Variants in NPAS3 observed in about 807,000 individuals in gnomAD.
The protein encoded by NPAS3 is neuronal PAS domain-containing protein 3.
In NPAS3, 14 loss-of-function variants were observed where a neutral mutation model predicts 73.1. That is an observed-to-expected ratio of 0.19 (90% confidence interval 0.13 to 0.30). The LOEUF is 0.30. Ranked by LOEUF, NPAS3 falls within the 10% of genes least tolerant of loss-of-function variation. The pLI is 1.00. For missense variants in NPAS3, 1,096 were observed against 1,250.0 expected, an observed-to-expected ratio of 0.88 and a Z score of 1.86; for synonymous variants, 620 against 541.5, an observed-to-expected ratio of 1.14 and a Z score of -2.01.
Position 33,709,227 on chromosome 14 carries a change from G to A in NPAS3, c.734-25987G>A, listed in dbSNP as rs78921019. ...CAGATGGCACCAAAGCATACCCTGC[G>A]CGCGTAAGTCAGTCATTGTCCCCTG... On this transcript the variant is annotated intron_variant, in intron 6 of 11. Transcript: ENST00000356141. Among the ~76,000 whole-genome samples, 1,115 of 152,270 alleles carry A rather than the reference G, an allele frequency of 7.3e-3. 10 individuals carry two copies. The highest frequency in any genetic ancestry group is 0.025 in the African/African-American group (1,024 of 41,546).
intron 1 of NPAS3, among the ~76,000 whole-genome samples, chr14:32,959,553 T>C (rs2036821255): frequency 6.6e-6 from 1 of 152,246 alleles, no homozygotes. Flanking sequence ...GTTTAAAACT[T>C]CTTTTCTTTC....
intron 4 of NPAS3, among the ~76,000 whole-genome samples, chr14:33,377,909 G>GA (rs2046377382): frequency 6.6e-6 from 1 of 152,182 alleles, no homozygotes; most frequent in African/African-American, 2.4e-5. Context: ...AGGGACTGCA[G>GA]AAAATACTGA....
chr14:33,144,312 A>C (rs2044163178), intron 2 of NPAS3, among the ~76,000 whole-genome samples: 1 of 152,234 alleles, frequency 6.6e-6, no homozygotes, highest in Non-Finnish European at 1.5e-5. Context: ...GTAGTGAAGA[A>C]GGACGTTGAG....
intron 5 of NPAS3, among the ~76,000 whole-genome samples, chr14:33,665,522 TG>T (rs1483162619): frequency 6.6e-6 from 1 of 152,216 alleles, no homozygotes; most frequent in Non-Finnish European, 1.5e-5. Context: ...GTAATTGCAT[TG>T]TTTGTAACTC....
At chr14:33,237,681 A>G (rs1263206400) in intron 3 of NPAS3, among the ~76,000 whole-genome samples, 1 of 152,068 alleles carries the variant, frequency 6.6e-6, no homozygotes. Flanking sequence ...ATAAAGTTCA[A>G]TCAGGAAAAT....
At chr14:33,076,288 A>C (rs1257592550) in intron 2 of NPAS3, among the ~76,000 whole-genome samples, 2 of 152,230 alleles carry the variant, frequency 1.3e-5, no homozygotes, top group Non-Finnish European at 2.9e-5. Flanking sequence ...TTTTTGCTGA[A>C]AAGCCACCTA....
intron 4 of NPAS3, among the ~76,000 whole-genome samples, chr14:33,507,600 A>C (rs1217028090): frequency 6.6e-6 from 1 of 151,960 alleles, no homozygotes; most frequent in Non-Finnish European, 1.5e-5. Flanking sequence ...TTCATTTTCA[A>C]ATGGAATTCC....
intron 6 of NPAS3, among the ~76,000 whole-genome samples, chr14:33,694,929 C>A (rs947926231): frequency 1.3e-5 from 2 of 152,140 alleles, no homozygotes; most frequent in Non-Finnish European, 2.9e-5. Flanking sequence ...TGTACATCTC[C>A]TACCATCATG....
intron 5 of NPAS3, among the ~76,000 whole-genome samples, chr14:33,622,511 A>G (rs1400583809): frequency 6.6e-6 from 1 of 152,198 alleles, no homozygotes; most frequent in Non-Finnish European, 1.5e-5. Context: ...AAAATTAAAA[A>G]GAAATAGTAA....
Position 33,733,916 on chromosome 14 carries a change from C to A in NPAS3, c.734-1298C>A, listed in dbSNP as rs146019656. Among the ~76,000 whole-genome samples the A allele has an allele frequency of 3.6e-3, 555 of 152,150 alleles. 7 individuals are homozygous for A. The highest frequency in any genetic ancestry group is 0.012 in the African/African-American group (511 of 41,510). ...AAATGATAGAAGAAAAGCCCCAGAC[C>A]ACAGATAGCAAGGTTTCTGTTATTA... On this transcript the variant is annotated intron_variant, in intron 6 of 11. Coordinates refer to ENST00000356141, the Ensembl canonical transcript of NPAS3.
intron 9 of NPAS3, among the ~76,000 whole-genome samples, chr14:33,784,110 A>C (rs1224980532): frequency 1.3e-5 from 2 of 152,218 alleles, no homozygotes; most frequent in Admixed American, 1.3e-4. Context: ...AATTTAACAG[A>C]GTATACATAG....
At chr14:33,620,682 TATA>T (rs2058053179) in intron 5 of NPAS3, among the ~76,000 whole-genome samples, 1 of 152,216 alleles carries the variant, frequency 6.6e-6, no homozygotes, top group Non-Finnish European at 1.5e-5. Context: ...AACATACAGT[TATA>T]ATGCACCAAA....
intron 2 of NPAS3, among the ~76,000 whole-genome samples, chr14:33,077,461 T>G (rs1274580861): frequency 6.6e-6 from 1 of 152,198 alleles, no homozygotes; most frequent in Non-Finnish European, 1.5e-5. Context: ...TCTACTTTGT[T>G]GGAGGAGGAA....
At chr14:33,464,081 A>G (rs1383515137) in intron 4 of NPAS3, among the ~76,000 whole-genome samples, 1 of 152,176 alleles carries the variant, frequency 6.6e-6, no homozygotes, top group Non-Finnish European at 1.5e-5. Flanking sequence ...CACTGTGCTC[A>G]TTCACACATG....
intron 1 of NPAS3, among the ~76,000 whole-genome samples, chr14:32,943,297 A>G (rs1327327868): frequency 6.6e-6 from 1 of 152,200 alleles, no homozygotes; most frequent in Non-Finnish European, 1.5e-5. Context: ...TTAATATCTC[A>G]GCAATCAATT....
exon 7 of NPAS3, chr14:33,735,317 A>C: frequency 6.2e-7 from 1 of 1,612,570 alleles, no homozygotes; most frequent in South Asian, 1.1e-5. Context: ...TGCACATCAA[A>C]TCATCAGGAT....
At chr14:33,127,481 G>A (rs188693694) in intron 2 of NPAS3, among the ~76,000 whole-genome samples, 1 of 152,224 alleles carries the variant, frequency 6.6e-6, no homozygotes, top group East Asian at 1.9e-4. Context: ...GCCACGCTGT[G>A]TCTCTTGTGT....
chr14:33,349,856 C>T (rs538563726), intron 3 of NPAS3, among the ~76,000 whole-genome samples: 170 of 152,286 alleles, frequency 1.1e-3, no homozygotes, highest in African/African-American at 3.6e-3. Flanking sequence ...CCTTTATATC[C>T]TTTTGTACAG....
intron 3 of NPAS3, among the ~76,000 whole-genome samples, chr14:33,349,595 C>CT (rs11444414): frequency 0.24 from 36,659 of 152,068 alleles, 4,607 homozygotes; most frequent in South Asian, 0.34. Flanking sequence ...TGCTCATCAA[C>CT]TTTTTGATTT....
Sources: gnomAD v4.1 joint callset for allele counts (sites outside exome capture counted in the v4.1 genomes callset) on GRCh38, gnomAD v4.1.1 for gene constraint, MANE v1.5 for transcripts, NCBI Gene and HGNC (gene_info 2026-07-23, HGNC 2026-07-21) for gene names.